Variants in JAZF1 observed in about 807,000 individuals in gnomAD.
JAZF1 encodes the protein juxtaposed with another zinc finger protein 1.
JAZF1 carries 8 observed loss-of-function variants against 26.4 expected under a neutral mutation model. The observed-to-expected ratio is 0.30, with a 90% CI of 0.18 to 0.55. The LOEUF (loss-of-function observed/expected upper bound fraction) is 0.55, where lower values mean the gene tolerates loss of function less well. Ranked by LOEUF, JAZF1 falls within the 20% of genes least tolerant of loss-of-function variation. JAZF1 has a pLI of 0.94. For missense variants in JAZF1, 199 were observed against 322.0 expected (o/e 0.62, Z 2.92); for synonymous variants, 126 against 122.3 (o/e 1.03, Z -0.20).
chr7:28,131,239 T>C (rs1210188440), intron 1 of JAZF1, among the ~76,000 whole-genome samples: 1 of 152,152 alleles, frequency 6.6e-6, no homozygotes, highest in Non-Finnish European at 1.5e-5. Flanking sequence ...CAATGCAATA[T>C]GATTGAATTG....
At chr7:28,034,878 T>C (rs1262129643) in intron 1 of JAZF1, among the ~76,000 whole-genome samples, 2 of 152,330 alleles carry the variant, frequency 1.3e-5, no homozygotes, top group Admixed American at 1.3e-4. Context: ...AAACATGCCA[T>C]GGCCTCTGCA....
chr7:28,039,143 T>G (rs955863322), intron 1 of JAZF1, among the ~76,000 whole-genome samples: 1 of 152,174 alleles, frequency 6.6e-6, no homozygotes, highest in Non-Finnish European at 1.5e-5. Context: ...ATCTTAAGGT[T>G]TAAAGAGACC....
chr7:28,147,434 C>CAACT, intron 1 of JAZF1, among the ~76,000 whole-genome samples: 1 of 152,158 alleles, frequency 6.6e-6, no homozygotes, highest in East Asian at 1.9e-4. Flanking sequence ...TCTGATTCAG[C>CAACT]AACTGTACAC....
intron 1 of JAZF1, among the ~76,000 whole-genome samples, chr7:28,011,968 C>A (rs1182823571): frequency 1.3e-5 from 2 of 152,188 alleles, no homozygotes; most frequent in Non-Finnish European, 2.9e-5. Context: ...AAAAAACTTC[C>A]ATGTTTTCAT....
chr7:28,082,191 T>C (rs1457248541), intron 1 of JAZF1, among the ~76,000 whole-genome samples: 1 of 152,164 alleles, frequency 6.6e-6, no homozygotes, highest in African/African-American at 2.4e-5. Flanking sequence ...TAAGACCTGG[T>C]AGAATTTCTC....
Position 27,853,924 on chromosome 7 carries a change from A to G in JAZF1, c.386-13057T>C, listed in dbSNP as rs1783196675. On this transcript the variant is annotated intron_variant, in intron 3 of 4. Coordinates refer to ENST00000283928, the MANE Select transcript of JAZF1 (RefSeq NM_175061.4). ...CCAGAGCTGAGTTCAAGTCCTGAAT[A>G]TCCTTGTTAATTTTCTGTCTTGTTG... Among the ~76,000 whole-genome samples, 4 of 152,208 alleles carry G rather than the reference A, an allele frequency of 2.6e-5. No homozygotes were observed. In the South Asian group the frequency reaches 8.3e-4, roughly 31 times the overall value.
intron 1 of JAZF1, among the ~76,000 whole-genome samples, chr7:27,996,208 T>C (rs1223461407): frequency 6.6e-6 from 1 of 152,228 alleles, no homozygotes; most frequent in African/African-American, 2.4e-5. Flanking sequence ...CTACATTTTA[T>C]AACCTGGATT....
chr7:27,915,681 G>A (rs1040334250), intron 2 of JAZF1, among the ~76,000 whole-genome samples: 1 of 152,114 alleles, frequency 6.6e-6, no homozygotes, highest in African/African-American at 2.4e-5. Context: ...TTAACAACAT[G>A]CTCATCCAAA....
At chr7:27,849,609 G>A (rs1783100107) in intron 3 of JAZF1, among the ~76,000 whole-genome samples, 1 of 152,080 alleles carries the variant, frequency 6.6e-6, no homozygotes, top group Non-Finnish European at 1.5e-5. Flanking sequence ...ATTTCAGTTG[G>A]GGAAATGAGC....
chr7:27,911,022 A>T (rs1784352109), intron 2 of JAZF1, among the ~76,000 whole-genome samples: 1 of 152,206 alleles, frequency 6.6e-6, no homozygotes, highest in South Asian at 2.1e-4. Flanking sequence ...CAACTAGGAG[A>T]ATCTTGTCAG....
At chr7:28,055,999 A>C (rs927855418) in intron 1 of JAZF1, among the ~76,000 whole-genome samples, 2 of 152,190 alleles carry the variant, frequency 1.3e-5, no homozygotes, top group Non-Finnish European at 2.9e-5. Context: ...TCTGCCTGAT[A>C]CTACAGCTAC....
At chr7:27,956,475 C>A (rs1251574271) in intron 2 of JAZF1, among the ~76,000 whole-genome samples, 1 of 152,162 alleles carries the variant, frequency 6.6e-6, no homozygotes, top group Admixed American at 6.5e-5. Flanking sequence ...TTAGTCAATG[C>A]CCTTGAACCT....
At chr7:28,052,991 C>A (rs1783640649) in intron 1 of JAZF1, among the ~76,000 whole-genome samples, 1 of 152,136 alleles carries the variant, frequency 6.6e-6, no homozygotes, top group Non-Finnish European at 1.5e-5. Flanking sequence ...CTAATTTCCT[C>A]CCCCAGCCTT....
chr7:28,165,111 G>A (rs1460231014), intron 1 of JAZF1, among the ~76,000 whole-genome samples: 3 of 152,202 alleles, frequency 2.0e-5, no homozygotes, highest in Admixed American at 6.5e-5. Context: ...GGAGGCTGCA[G>A]TGAGCCAAGA....
intron 2 of JAZF1, among the ~76,000 whole-genome samples, chr7:27,990,381 T>A (rs2128364993): frequency 6.6e-6 from 1 of 151,648 alleles, no homozygotes. Context: ...CATGTATACA[T>A]ATGTAACAAA....
rs144507351 is a variant in JAZF1 at position 27,857,628 on chromosome 7, C to T, written c.386-16761G>A. 4.3e-3 allele frequency among the ~76,000 whole-genome samples: 651 copies of T among 152,302 alleles called. 5 individuals are homozygous for T. The highest frequency in any genetic ancestry group is 7.1e-3 in the Non-Finnish European group (482 of 68,024). On this transcript the variant is annotated intron_variant, in intron 3 of 4. Transcript: ENST00000283928. ...AACATAATCCATCACATAAACAGAACCAATGACAAAAACCACATGATTATC... is the reference window on the plus strand; with the variant it reads ...AACATAATCCATCACATAAACAGAATCAATGACAAAAACCACATGATTATC...
intron 2 of JAZF1, among the ~76,000 whole-genome samples, chr7:27,939,096 T>C (rs6948511): frequency 0.11 from 15,982 of 152,194 alleles, 922 homozygotes; most frequent in African/African-American, 0.17. Flanking sequence ...CACCTTGTGT[T>C]GCAGAGCCAA....
intron 1 of JAZF1, among the ~76,000 whole-genome samples, chr7:28,118,381 G>C (rs1400647201): frequency 2.6e-5 from 4 of 152,264 alleles, no homozygotes; most frequent in Admixed American, 2.0e-4. Context: ...CGGGCGTGGT[G>C]GTGGGCGCCT....
chr7:27,842,427 G>T (rs1425234750), intron 3 of JAZF1: 1 of 152,030 alleles, frequency 6.6e-6, no homozygotes, highest in Non-Finnish European at 1.5e-5. Context: ...TGAGTTGCTG[G>T]CTCTTCACCA....
Sources: allele counts gnomAD v4.1 joint callset (sites outside exome capture counted in the v4.1 genomes callset), GRCh38; gene constraint gnomAD v4.1.1; transcripts MANE v1.5; gene names NCBI Gene and HGNC (gene_info 2026-07-23, HGNC 2026-07-21).